Variants in PAM observed in about 807,000 individuals in gnomAD.
PAM encodes peptidyl-glycine alpha-amidating monooxygenase.
Under a neutral mutation model 122.1 loss-of-function variants are expected in PAM, and 72 were observed. That is an observed-to-expected ratio of 0.59 (90% confidence interval 0.49 to 0.72). PAM has a LOEUF of 0.72. PAM is among the 30% of genes least tolerant of loss of function. The pLI is 0.00. For synonymous variants in PAM, 389 were observed against 404.4 expected (o/e 0.96, Z 0.46); for missense variants, 1,106 against 1,183.7 (o/e 0.93, Z 0.96).
rs148973979 is a variant in PAM, at chr5:102,997,029, C to T, written c.1614-6004C>T. ...TTTGTGTTATCACTGATATTCTTAA[C>T]AGTGAAAGTATAGTAATAATATGAA... is the stretch of plus-strand genomic sequence containing the variant. On this transcript the variant is annotated intron_variant, in intron 16 of 25. Coordinates refer to ENST00000438793, the MANE Select transcript of PAM (RefSeq NM_001177306.2). 8.1e-3 allele frequency among the ~76,000 whole-genome samples: 1,238 copies of T among 152,080 alleles called. 19 individuals carry two copies. The highest frequency in any genetic ancestry group is 0.027 in the African/African-American group (1,140 of 41,468).
intron 7 of PAM, among the ~76,000 whole-genome samples, chr5:102,934,515 CA>C (rs1752619690): frequency 6.6e-6 from 1 of 152,240 alleles, no homozygotes; most frequent in Non-Finnish European, 1.5e-5. Flanking sequence ...TCTTTATTCT[CA>C]AGGCTGTGAT....
intron 1 of PAM, among the ~76,000 whole-genome samples, chr5:102,785,003 T>G (rs1760121413): frequency 6.6e-6 from 1 of 152,188 alleles, no homozygotes; most frequent in Non-Finnish European, 1.5e-5. Context: ...TATAATTGGT[T>G]TAGGATTCAG....
At chr5:103,005,914 T>C (rs1205481371) in intron 18 of PAM, among the ~76,000 whole-genome samples, 1 of 145,180 alleles carries the variant, frequency 6.9e-6, no homozygotes, top group African/African-American at 2.8e-5. Context: ...TAACTTGTTG[T>C]TGTTGTTGTT....
At chr5:102,994,907 A>C (rs1191857144) in intron 16 of PAM, among the ~76,000 whole-genome samples, 1 of 152,072 alleles carries the variant, frequency 6.6e-6, no homozygotes, top group Non-Finnish European at 1.5e-5. Flanking sequence ...TGAATAGCTG[A>C]ATGGTTGGTT....
At chr5:102,926,705 A>T in intron 7 of PAM, 37 bp downstream of exon 7, 1 of 1,015,854 alleles carries the variant, frequency 9.8e-7, no homozygotes, top group Non-Finnish European at 1.6e-6. Flanking sequence ...CAAAACTTCT[A>T]GTACTATATT....
At chr5:102,936,121 G>A (rs149932250) in intron 7 of PAM, among the ~76,000 whole-genome samples, 1 of 152,172 alleles carries the variant, frequency 6.6e-6, no homozygotes, top group East Asian at 1.9e-4. Context: ...TGTTGTATCT[G>A]TGTGGTGGAA....
intron 1 of PAM, among the ~76,000 whole-genome samples, chr5:102,798,079 T>C (rs79895684): frequency 0.026 from 4,000 of 152,276 alleles, 104 homozygotes; most frequent in East Asian, 0.14. Flanking sequence ...CAGATCATTG[T>C]CAATGTTAGC....
chr5:102,915,378 C>T (rs1802796239), intron 5 of PAM, among the ~76,000 whole-genome samples: 2 of 152,034 alleles, frequency 1.3e-5, no homozygotes, highest in South Asian at 2.1e-4. Context: ...GACCAAGTAC[C>T]GTCAAAGCAT....
chr5:102,881,104 A>G (rs1008872849), intron 3 of PAM, among the ~76,000 whole-genome samples: 7 of 144,670 alleles, frequency 4.8e-5, no homozygotes, highest in Non-Finnish European at 3.0e-5. Context: ...AAGAGACTGG[A>G]AAATTAAAAA....
intron 14 of PAM, among the ~76,000 whole-genome samples, chr5:102,969,277 A>G (rs1184081740): frequency 1.4e-5 from 2 of 143,386 alleles, no homozygotes; most frequent in Non-Finnish European, 3.1e-5. Context: ...AGTCCAGTGG[A>G]AAAAAAAAAA....
chr5:102,878,071 A>C (rs1789785144), intron 3 of PAM, among the ~76,000 whole-genome samples: 1 of 152,062 alleles, frequency 6.6e-6, no homozygotes, highest in South Asian at 2.1e-4. Flanking sequence ...TAAAATCTCT[A>C]TATATAATTA....
At chr5:102,825,168 A>G (rs1773217772) in intron 1 of PAM, among the ~76,000 whole-genome samples, 1 of 152,256 alleles carries the variant, frequency 6.6e-6, no homozygotes, top group Admixed American at 6.5e-5. Context: ...ATTTTCAAAT[A>G]TACAAATTAA....
At chr5:103,019,996 G>T (rs1290860679) in intron 23 of PAM, among the ~76,000 whole-genome samples, 153 bp downstream of exon 23, 1 of 146,352 alleles carries the variant, frequency 6.8e-6, no homozygotes, top group African/African-American at 2.5e-5. Flanking sequence ...CTTTAAACCT[G>T]TATGTTGCCA....
chr5:102,880,459 T>C (rs1401176847), intron 3 of PAM, among the ~76,000 whole-genome samples: 1 of 151,712 alleles, frequency 6.6e-6, no homozygotes, highest in Non-Finnish European at 1.5e-5. Flanking sequence ...ACTATAATAA[T>C]TAGAATTTTT....
chr5:102,988,638 GAAGGAAAGGAAAGGGAAGGGGAGGA>G (rs1772851425), intron 15 of PAM, among the ~76,000 whole-genome samples: 3 of 136,324 alleles, frequency 2.2e-5, no homozygotes, highest in Non-Finnish European at 4.6e-5. Flanking sequence ...GGAAAAAAAA[GAAGGAAAGGAAAGGGAAGGGGAGGA>G]AAGGAAAGGA....
intron 1 of PAM, among the ~76,000 whole-genome samples, chr5:102,805,019 A>G (rs908897444): frequency 2.7e-5 from 4 of 150,266 alleles, no homozygotes; most frequent in African/African-American, 4.9e-5. Flanking sequence ...TTATTTCTTT[A>G]GGAAATAGTG....
At chr5:102,879,154 T>C (rs1416556960) in intron 3 of PAM, among the ~76,000 whole-genome samples, 1 of 152,048 alleles carries the variant, frequency 6.6e-6, no homozygotes, top group East Asian at 1.9e-4. Flanking sequence ...ATGGTCTCGA[T>C]CTCCTGACCT....
intron 15 of PAM, among the ~76,000 whole-genome samples, chr5:102,979,618 T>C (rs17295470): frequency 0.022 from 3,401 of 152,246 alleles, 59 homozygotes; most frequent in Non-Finnish European, 0.035. Flanking sequence ...TTGAATTTTT[T>C]CCTCAACTTT....
Position 103,002,960 on chromosome 5 carries a change from T to C in PAM, c.1614-73T>C, listed in dbSNP as rs1777832902. The C allele has an allele frequency of 4.0e-6, 3 of 747,612 alleles. No individual in the cohort carries two copies. In the African/African-American group the frequency reaches 5.2e-5, roughly 13 times the overall value. 46.3% of individuals were successfully genotyped at this position (747,612 alleles called of 1,614,324 possible). On this transcript the variant is annotated intron_variant, in intron 16 of 25. Coordinates refer to ENST00000438793, the MANE Select transcript of PAM (RefSeq NM_001177306.2). ...GAGCTCTTTTGATTTTGTATTTATG[T>C]GAATGGTCTGCATTTCTCAATTTCA...
Sources: gnomAD v4.1 joint callset for allele counts (sites outside exome capture counted in the v4.1 genomes callset) on GRCh38, gnomAD v4.1.1 for gene constraint, MANE v1.5 for transcripts, NCBI Gene and HGNC (gene_info 2026-07-23, HGNC 2026-07-21) for gene names.